Variants in CHIA observed in about 807,000 individuals in gnomAD.
CHIA encodes the protein acidic mammalian chitinase.
Under a neutral mutation model 53.5 loss-of-function variants are expected in CHIA, and 47 were observed. The observed-to-expected ratio is 0.88, with a 90% confidence interval of 0.70 to 1.12. CHIA has a LOEUF of 1.12. CHIA is among the 50% of genes most tolerant of loss of function. The probability of loss-of-function intolerance (pLI) is 0.00; values close to 1 mark genes in which losing one functional copy is unlikely to be tolerated. For missense variants in CHIA, 652 were observed against 592.2 expected (o/e 1.10, Z -1.05); for synonymous variants, 268 against 222.2 (o/e 1.21, Z -1.83).
At chr1:111,311,570 C>A in intron 2 of CHIA, 119 bp from the exon 3 acceptor site, 4 of 1,159,242 alleles carry the variant, frequency 3.5e-6, no homozygotes, top group Non-Finnish European at 5.2e-6. Context: ...GAATCACCAC[C>A]AAATCTCACT....
chr1:111,297,528 G>C (rs1388320408), intron 1 of CHIA, among the ~76,000 whole-genome samples: 1 of 152,136 alleles, frequency 6.6e-6, no homozygotes, highest in African/African-American at 2.4e-5. Flanking sequence ...CAAATGCTGA[G>C]AGATTTTGTC....
At chr1:111,297,704 G>A (rs955634013) in intron 1 of CHIA, among the ~76,000 whole-genome samples, 6 of 152,028 alleles carry the variant, frequency 3.9e-5, no homozygotes, top group Non-Finnish European at 7.4e-5. Context: ...CGTAATGACA[G>A]CATCAAATTC....
chr1:111,311,559 G>A (rs1400849550), intron 2 of CHIA, 130 bp from the exon 3 acceptor site: 2 of 1,021,868 alleles, frequency 2.0e-6, no homozygotes, highest in South Asian at 1.4e-5. Flanking sequence ...AAAAGCCTTT[G>A]GAATCACCAC....
rs571796760 is a variant in CHIA at position 111,304,243 on chromosome 1, C to T, written c.-68-6157C>T. Reference sequence around the variant, plus strand: ...CTTTGAGTTCATCTTACTTGGAGTTCGCTGAGTTCTTGGATGTCTATATAC... The same window carrying T: ...CTTTGAGTTCATCTTACTTGGAGTTTGCTGAGTTCTTGGATGTCTATATAC... On this transcript the variant is annotated intron_variant, in intron 1 of 11. Transcript: ENST00000369740. Among the ~76,000 whole-genome samples, 69 of 152,168 alleles carry T rather than the reference C, an allele frequency of 4.5e-4. 2 individuals are homozygous for T. The highest frequency in any genetic ancestry group is 6.8e-3 in the Middle Eastern group (2 of 294).
chr1:111,320,512 A>C lies in CHIA; in HGVS notation c.*46A>C, dbSNP rs758117743. On this transcript the variant is annotated 3_prime_UTR_variant, in exon 12 of 12. Coordinates refer to ENST00000369740, the MANE Select transcript of CHIA (RefSeq NM_201653.4). ...CCTAGAGTTCCAGTCTCTTTTGCTT[A>C]GGACATGTTGCCCCTACCTAAAGTC... 8.9e-6 allele frequency: 14 copies of C among 1,571,818 alleles called. No individual in the cohort carries two copies. The highest frequency in any genetic ancestry group is 1.7e-6 in the Non-Finnish European group (2 of 1,145,980).
chr1:111,315,110 T>TAGTG (rs1649043153), intron 5 of CHIA, 160 bp from the exon 6 acceptor site: 3 of 618,632 alleles, frequency 4.8e-6, no homozygotes, highest in African/African-American at 1.9e-5. Context: ...CTGGGAAGAG[T>TAGTG]AGTGATTACA....
chr1:111,300,451 T>G (rs1647623537), intron 1 of CHIA, among the ~76,000 whole-genome samples: 1 of 152,196 alleles, frequency 6.6e-6, no homozygotes, highest in Admixed American at 6.5e-5. Flanking sequence ...ATCTGATCTT[T>G]GACAAACCTG....
At chr1:111,314,483 T>C (rs1648978464) in intron 4 of CHIA, 57 bp from the exon 5 acceptor site, 3 of 1,213,306 alleles carry the variant, frequency 2.5e-6, no homozygotes, top group Admixed American at 1.7e-5. Context: ...CAATGTATTT[T>C]AAATGGAGGG....
At chr1:111,311,349 G>C (rs1648653249) in intron 2 of CHIA, among the ~76,000 whole-genome samples, 1 of 152,318 alleles carries the variant, frequency 6.6e-6, no homozygotes. Context: ...TATCACTCAG[G>C]TAGGGGAAGA....
intron 5 of CHIA, 194 bp from the exon 6 acceptor site, chr1:111,315,076 A>G: frequency 3.6e-6 from 2 of 556,892 alleles, no homozygotes; most frequent in South Asian, 4.8e-5. Context: ...ATAACAGAAT[A>G]AAGGGAATGT....
Position 111,315,267 on chromosome 1 carries a change from C to T in CHIA, c.315-3C>T. Reference sequence around the variant, plus strand: ...CACCCTGCCTTCTTTGGGTCTCCCTCAGTTTCACTGCCATGGTTTCTACTC... The same window carrying T: ...CACCCTGCCTTCTTTGGGTCTCCCTTAGTTTCACTGCCATGGTTTCTACTC... On this transcript the variant is annotated splice_polypyrimidine_tract_variant and splice_region_variant and intron_variant, in intron 5 of 11. Coordinates refer to ENST00000369740, the MANE Select transcript of CHIA (RefSeq NM_201653.4). The T allele has an allele frequency of 6.2e-7, 1 of 1,610,982 alleles. No individual in the cohort carries two copies. The highest frequency in any genetic ancestry group is 8.5e-7 in the Non-Finnish European group (1 of 1,178,948).
intron 2 of CHIA, 45 bp from the exon 3 acceptor site, chr1:111,311,644 G>C (rs1156712502): frequency 2.5e-6 from 4 of 1,608,550 alleles, no homozygotes; most frequent in African/African-American, 1.3e-5. Context: ...ATTCTACGGG[G>C]TACAGACAAT....
intron 1 of CHIA, among the ~76,000 whole-genome samples, chr1:111,308,605 C>A (rs1648413471): frequency 6.6e-6 from 1 of 152,088 alleles, no homozygotes; most frequent in Non-Finnish European, 1.5e-5. Context: ...CATTTTGTGA[C>A]CAGTCCTTGT....
Position 111,318,555 on chromosome 1 carries a change from C to G in CHIA, c.792C>G (p.Phe264Leu). 1 of 1,614,220 alleles carries G rather than the reference C, an allele frequency of 6.2e-7. No individual in the cohort carries two copies. Among genetic ancestry groups the G allele is most frequent in the Non-Finnish European group, 8.5e-7 (1 of 1,180,026 alleles). The part of the protein sequence containing the change: ...GAPAEKLIVG[F>L]PTYGHNFILS... ...CAGCTGAGAAGCTCATCGTTGGATT[C>G]CCTACCTATGGACACAACTTCATCC... Residue 264 changes from phenylalanine to leucine, a missense_variant, in exon 9 of 12, where the codon TTC becomes TTG. By Grantham distance (22) the Phe-to-Leu change is conservative (BLOSUM62 0). Coordinates refer to ENST00000369740, the MANE Select transcript of CHIA (RefSeq NM_201653.4).
At chr1:111,299,282 C>CA (rs1453417940) in intron 1 of CHIA, among the ~76,000 whole-genome samples, 7 of 151,882 alleles carry the variant, frequency 4.6e-5, no homozygotes, top group South Asian at 2.1e-4. Flanking sequence ...AGACACACCA[C>CA]AAAAAAAGAG....
At chr1:111,302,614 C>T (rs1444727811) in intron 1 of CHIA, among the ~76,000 whole-genome samples, 1 of 152,098 alleles carries the variant, frequency 6.6e-6, no homozygotes, top group Non-Finnish European at 1.5e-5. Context: ...GGAGAAGATA[C>T]TTTGTATGAT....
chr1:111,320,476 G>A lies in CHIA; in HGVS notation c.*10G>A. ...CTGCAACTGGGCATAAACCTGACCT[G>A]GTCTATATTCCCTAGAGTTCCAGTC... On this transcript the variant is annotated 3_prime_UTR_variant, in exon 12 of 12. Coordinates refer to ENST00000369740, the MANE Select transcript of CHIA (RefSeq NM_201653.4). 1 of 1,610,480 alleles carries A rather than the reference G, an allele frequency of 6.2e-7. No homozygotes were observed. The highest frequency in any genetic ancestry group is 8.5e-7 in the Non-Finnish European group (1 of 1,177,076).
chr1:111,293,044 A>T (rs1216571795), intron 1 of CHIA, among the ~76,000 whole-genome samples: 1 of 151,446 alleles, frequency 6.6e-6, no homozygotes, highest in African/African-American at 2.4e-5. Context: ...TACTGTGAAC[A>T]TGGAAGTACA....
Position 111,319,434 on chromosome 1 carries a change from C to A in CHIA, c.1143C>A (p.Ser381=). The A allele has an allele frequency of 1.2e-6, 2 of 1,614,142 alleles. No homozygotes were observed. The highest frequency in any genetic ancestry group is 4.5e-5 in the East Asian group (2 of 44,884). ...ACCAGGGCAAGTTTCCCCTAATCTC[C>A]ACCCTGAAGAAGGCCCTCGGCCTGC... The part of the protein sequence containing the change: ...FCNQGKFPLI[S]TLKKALGLQS... The change falls in exon 11 of 12, where the codon TCC becomes TCA. Residue 381 remains serine (S), a synonymous_variant. Transcript: ENST00000369740.
Sources: gnomAD v4.1 joint callset for allele counts (sites outside exome capture counted in the v4.1 genomes callset) on GRCh38, gnomAD v4.1.1 for gene constraint, MANE v1.5 for transcripts, NCBI Gene and HGNC (gene_info 2026-07-23, HGNC 2026-07-21) for gene names.